Variants in FRMD4A observed in about 807,000 individuals in gnomAD.
FRMD4A encodes FERM domain containing 4A, also known as FERM domain-containing protein 4A.
Under a neutral mutation model 129.1 loss-of-function variants are expected in FRMD4A, and 29 were observed. That is an observed-to-expected ratio of 0.22 (90% confidence interval 0.17 to 0.31). The LOEUF is 0.31. Ranked by LOEUF, FRMD4A falls within the 10% of genes least tolerant of loss-of-function variation. The probability of loss-of-function intolerance (pLI) is 1.00; values close to 1 mark genes in which losing one functional copy is unlikely to be tolerated. For missense variants in FRMD4A, 1,272 were observed against 1,375.8 expected (o/e 0.92, Z 1.19); for synonymous variants, 634 against 571.6 (o/e 1.11, Z -1.56).
intron 2 of FRMD4A, chr10:13,991,743 G>C (rs1177863796): frequency 1.3e-5 from 2 of 152,544 alleles, no homozygotes; most frequent in East Asian, 3.9e-4. Flanking sequence ...CCATTGTGTT[G>C]GTTTCCCTTA....
intron 2 of FRMD4A, among the ~76,000 whole-genome samples, chr10:14,303,238 A>G (rs925038223): frequency 1.5e-4 from 23 of 152,184 alleles, no homozygotes; most frequent in African/African-American, 5.1e-4. Context: ...TGAGAACCAC[A>G]GCTCTGGAGT....
chr10:13,793,172 CT>C (rs1162846396), intron 5 of FRMD4A, among the ~76,000 whole-genome samples: 3,040 of 140,778 alleles, frequency 0.022, 32 homozygotes, highest in African/African-American at 0.032. Context: ...CCCTCTGTTT[CT>C]TTTTTTTTTT....
chr10:14,154,011 G>A (rs895158844), intron 2 of FRMD4A, among the ~76,000 whole-genome samples: 2 of 152,042 alleles, frequency 1.3e-5, no homozygotes, highest in Non-Finnish European at 2.9e-5. Context: ...CTGTCACCTC[G>A]CCATCCCCTG....
At chr10:13,916,826 G>A (rs941138021) in intron 2 of FRMD4A, among the ~76,000 whole-genome samples, 9 of 152,000 alleles carry the variant, frequency 5.9e-5, no homozygotes, top group Non-Finnish European at 1.2e-4. Flanking sequence ...TTGTTTTTAG[G>A]AGAAGAAGAA....
At chr10:13,734,575 T>A (rs1039525365) in intron 12 of FRMD4A, among the ~76,000 whole-genome samples, 7 of 152,122 alleles carry the variant, frequency 4.6e-5, no homozygotes, top group Admixed American at 4.6e-4. Flanking sequence ...CCCCGCCCCA[T>A]TCCTCCGTCT....
At chr10:13,891,545 C>A in intron 2 of FRMD4A, 1 of 940,326 alleles carries the variant, frequency 1.1e-6, no homozygotes, top group Non-Finnish European at 1.3e-6. Flanking sequence ...TTCCCCGGCC[C>A]AGCGTGAAAA....
At chr10:13,686,802 C>G (rs142049095) in intron 15 of FRMD4A, among the ~76,000 whole-genome samples, 10 of 152,152 alleles carry the variant, frequency 6.6e-5, no homozygotes, top group Non-Finnish European at 1.0e-4. Context: ...GACTTCTAGT[C>G]GAGAAGCCAA....
In FRMD4A at chr10:13,740,203, A is replaced by G. The variant is rs1466058892; in HGVS notation, c.663T>C (p.Tyr221=). 6 of 1,596,682 alleles carry G rather than the reference A, an allele frequency of 3.8e-6. No homozygotes were observed. In the Admixed American group the frequency reaches 8.3e-5, roughly 22 times the overall value. The part of the protein sequence containing the change: ...ESLPTYGVHY[Y]AVKDKQGIPW... ...AAATGAGTCTACTCACCTTCACTGCATAATAGTGAACCCCGTAGGTTGGGA... is the reference window on the plus strand; with the variant it reads ...AAATGAGTCTACTCACCTTCACTGCGTAATAGTGAACCCCGTAGGTTGGGA... Residue 221 remains tyrosine, a synonymous_variant, in exon 11 of 25, where the codon TAT becomes TAC. Coordinates refer to ENST00000357447, the MANE Select transcript of FRMD4A (RefSeq NM_018027.5).
At chr10:13,971,666 GC>G in intron 2 of FRMD4A, 1 of 1,303,252 alleles carries the variant, frequency 7.7e-7, no homozygotes, top group Non-Finnish European at 1.0e-6. Flanking sequence ...CTGATAGACG[GC>G]CCTGGAGATG....
chr10:13,970,372 C>T (rs915635170), intron 2 of FRMD4A, among the ~76,000 whole-genome samples: 2 of 152,170 alleles, frequency 1.3e-5, no homozygotes, highest in African/African-American at 4.8e-5. Flanking sequence ...CAACCCGACA[C>T]CCTTGGGCAC....
intron 2 of FRMD4A, among the ~76,000 whole-genome samples, chr10:13,907,325 T>C (rs1043806439): frequency 2.0e-5 from 3 of 152,170 alleles, no homozygotes; most frequent in Admixed American, 2.0e-4. Context: ...GATGTGCATA[T>C]TATGTACATT....
Position 14,021,368 on chromosome 10 carries a change from C to T in FRMD4A, c.46-162456G>A, listed in dbSNP as rs138828357. The stretch of plus-strand genomic sequence containing the variant: ...ACAAGCCTGGGCAATATAACAAGAC[C>T]TCATCTCCACAAAAATAAAAAAAAA... On this transcript the variant is annotated intron_variant, in intron 2 of 24. Coordinates refer to ENST00000357447, the MANE Select transcript of FRMD4A (RefSeq NM_018027.5). Among the ~76,000 whole-genome samples, 64 of 148,970 alleles carry T rather than the reference C, an allele frequency of 4.3e-4. 3 individuals are homozygous for T. The highest frequency in any genetic ancestry group is 1.5e-3 in the African/African-American group (58 of 39,384).
At chr10:13,822,829 A>T (rs1027526763) in intron 3 of FRMD4A, among the ~76,000 whole-genome samples, 2 of 150,208 alleles carry the variant, frequency 1.3e-5, no homozygotes, top group African/African-American at 4.9e-5. Context: ...TCCTCACCCA[A>T]CTCCTCCCCA....
chr10:14,191,593 G>A (rs1340889570), intron 2 of FRMD4A, among the ~76,000 whole-genome samples: 1 of 152,206 alleles, frequency 6.6e-6, no homozygotes, highest in Non-Finnish European at 1.5e-5. Flanking sequence ...ATCGGCTGTT[G>A]CTATGGAGAC....
intron 2 of FRMD4A, among the ~76,000 whole-genome samples, chr10:13,948,822 T>C (rs2095351858): frequency 6.6e-6 from 1 of 151,926 alleles, no homozygotes; most frequent in South Asian, 2.1e-4. Flanking sequence ...CAGCTAATTT[T>C]TGTATTTTTA....
At chr10:13,888,973 C>T (rs1346763707) in intron 2 of FRMD4A, among the ~76,000 whole-genome samples, 6 of 152,208 alleles carry the variant, frequency 3.9e-5, no homozygotes, top group African/African-American at 7.2e-5. Flanking sequence ...CAGTATGATG[C>T]GTCAGGCTAA....
At chr10:13,843,149 C>G (rs2093993279) in intron 3 of FRMD4A, among the ~76,000 whole-genome samples, 1 of 152,148 alleles carries the variant, frequency 6.6e-6, no homozygotes, top group Admixed American at 6.5e-5. Flanking sequence ...ACATGCAGTA[C>G]CAAGTATGCA....
intron 2 of FRMD4A, among the ~76,000 whole-genome samples, chr10:13,972,997 G>A (rs140114233): frequency 1.8e-4 from 28 of 152,304 alleles, no homozygotes; most frequent in African/African-American, 5.8e-4. Flanking sequence ...CTACTGGAGC[G>A]TCCTGGAGTC....
rs1846204656 is a variant in FRMD4A, at chr10:14,302,080, T to G, written c.45+27978A>C. Among the ~76,000 whole-genome samples the G allele has an allele frequency of 2.6e-5, 4 of 152,342 alleles. No homozygotes were observed. The South Asian group carries it at 8.3e-4, about 32-fold the overall frequency. The stretch of plus-strand genomic sequence containing the variant: ...TAAATCCCATCGTAATGGAAAGGGT[T>G]TGATTTTTGTATAGTGCATTGGATG... On this transcript the variant is annotated intron_variant, in intron 2 of 24. Coordinates refer to ENST00000357447, the MANE Select transcript of FRMD4A (RefSeq NM_018027.5).
Sources: gnomAD v4.1 joint callset for allele counts (sites outside exome capture counted in the v4.1 genomes callset) on GRCh38, gnomAD v4.1.1 for gene constraint, MANE v1.5 for transcripts, NCBI Gene and HGNC (gene_info 2026-07-23, HGNC 2026-07-21) for gene names.